ADAMTS13: variants seen among roughly 807,000 people sequenced by gnomAD.
ADAMTS13 encodes ADAM metallopeptidase with thrombospondin type 1 motif 13, also known as A disintegrin and metalloproteinase with thrombospondin motifs 13.
ADAMTS13 carries 110 observed loss-of-function variants against 155.1 expected under a neutral mutation model. That is an observed-to-expected ratio of 0.71 (90% confidence interval 0.61 to 0.83). The LOEUF (loss-of-function observed/expected upper bound fraction) is 0.83, where lower values mean the gene tolerates loss of function less well. Ranked by LOEUF, ADAMTS13 falls within the 40% of genes least tolerant of loss-of-function variation. The pLI is 0.00. For synonymous variants in ADAMTS13, 758 were observed against 756.4 expected, an observed-to-expected ratio of 1.00 and a Z score of -0.03; for missense variants, 1,707 against 1,891.7, an observed-to-expected ratio of 0.90 and a Z score of 1.81.
chr9:133,458,148 C>T lies in ADAMTS13; in HGVS notation c.3909+54C>T, dbSNP rs587666058. The stretch of plus-strand genomic sequence containing the variant: ...TGATTCTGGACAGCTTTCCCTAGGG[C>T]GTGCAGGGCTAGGGGACCCCCTTCA... On this transcript the variant is annotated intron_variant, in intron 28 of 28. Transcript: ENST00000355699. 3.6e-5 allele frequency: 57 copies of T among 1,595,040 alleles called. No individual in the cohort carries two copies. In the East Asian group the frequency reaches 4.1e-4, roughly 11 times the overall value.
chr9:133,426,298 C>T lies in ADAMTS13; in HGVS notation c.639C>T (p.Asp213=), dbSNP rs782439387. 3 of 1,607,376 alleles carry T rather than the reference C, an allele frequency of 1.9e-6. No homozygotes were observed. The part of the protein sequence containing the change: ...SPTWSCLITE[D]TGFDLGVTIA... The stretch of plus-strand genomic sequence containing the variant: ...CCTGGAGCTGCCTCATTACCGAGGA[C>T]ACTGGCTTCGACCTGGGAGTCACCA... Residue 213 remains aspartate, a synonymous_variant, in exon 6 of 29, where the codon GAC becomes GAT. Transcript: ENST00000355699.
chr9:133,436,673 C>T (rs1841244734), intron 11 of ADAMTS13, among the ~76,000 whole-genome samples, 156 bp from the exon 12 acceptor site: 2 of 152,154 alleles, frequency 1.3e-5, no homozygotes, highest in African/African-American at 2.4e-5. Context: ...GCACTTTTGT[C>T]ACCCCAGTTT....
chr9:133,422,392 C>A lies in ADAMTS13; in HGVS notation c.-52C>A. Reference sequence around the variant, plus strand: ...ATTCCATACTGACCAGATTCCCAGTCACCAAGGCCCCCTCTCACTCCGCTC... The same window carrying A: ...ATTCCATACTGACCAGATTCCCAGTAACCAAGGCCCCCTCTCACTCCGCTC... On this transcript the variant is annotated 5_prime_UTR_variant, in exon 1 of 29. Coordinates refer to ENST00000355699, the MANE Select transcript of ADAMTS13 (RefSeq NM_139027.6). The A allele has an allele frequency of 3.3e-6, 5 of 1,534,142 alleles. No individual in the cohort carries two copies. Among genetic ancestry groups the A allele is most frequent in the Non-Finnish European group, 3.6e-6 (4 of 1,112,822 alleles).
At chr9:133,420,230 G>A (rs746624553), upstream of ADAMTS13, among the ~76,000 whole-genome samples, 6 of 151,974 alleles carry the variant, frequency 3.9e-5, no homozygotes, top group African/African-American at 7.3e-5. Context: ...GAAAAGAGAC[G>A]GGGTTTCACT....
In ADAMTS13 at chr9:133,442,875, C is replaced by T. The variant is rs587633985; in HGVS notation, c.2234+132C>T. The T allele has an allele frequency of 4.4e-6, 6 of 1,378,088 alleles. No homozygotes were observed. In the East Asian group the frequency reaches 7.5e-5, roughly 17 times the overall value. 85.4% of individuals were successfully genotyped at this position (1,378,088 alleles called of 1,614,324 possible). A position where few individuals can be genotyped will look rare whatever the true frequency, so the allele number is the denominator to read the frequency against. ...GCTGCTCCTGTGCAGGCTCTCATTA[C>T]CCCTGCCCACAGCCCTGCAAGGGGG... On this transcript the variant is annotated intron_variant, in intron 18 of 28. Transcript: ENST00000355699.
chr9:133,426,814 T>A (rs1205685275), intron 6 of ADAMTS13, among the ~76,000 whole-genome samples: 1 of 152,134 alleles, frequency 6.6e-6, no homozygotes, highest in African/African-American at 2.4e-5. Context: ...TTTTCTTTTT[T>A]TTTTTTGAGA....
At chr9:133,434,063 T>G (rs1034567979) in intron 11 of ADAMTS13, among the ~76,000 whole-genome samples, 25 of 150,810 alleles carry the variant, frequency 1.7e-4, no homozygotes. Flanking sequence ...GCCATTGCAC[T>G]CCAGCCTGGG....
In ADAMTS13 at chr9:133,425,260, C is replaced by T. The variant is rs1398967479; in HGVS notation, c.331-269C>T. Among the ~76,000 whole-genome samples, 3 of 152,222 alleles carry T rather than the reference C, an allele frequency of 2.0e-5. No homozygotes were observed. The highest frequency in any genetic ancestry group is 2.9e-5 in the Non-Finnish European group (2 of 68,040). On this transcript the variant is annotated intron_variant, in intron 3 of 28. Transcript: ENST00000355699. This position sits in a 1 kb window ranked among gnomAD's most constrained non-coding sequence, Gnocchi z 4.6. ...CAGCGTTTGACCGGAATATCCGACT[C>T]GTGACCATCTGTGTGCTCTCATCCC... is the stretch of plus-strand genomic sequence containing the variant.
chr9:133,449,676 C>G, intron 22 of ADAMTS13, 107 bp from the exon 23 acceptor site: 5 of 1,365,290 alleles, frequency 3.7e-6, no homozygotes, highest in Non-Finnish European at 5.1e-6. Context: ...CGGGCCCTTC[C>G]CAGCTTCCTG....
intron 23 of ADAMTS13, among the ~76,000 whole-genome samples, chr9:133,450,488 C>T (rs587677891): frequency 4.0e-5 from 6 of 149,290 alleles, no homozygotes; most frequent in East Asian, 2.0e-4. Flanking sequence ...TCGCTTGAAC[C>T]GGGGAGGCCA....
In ADAMTS13 at chr9:133,454,609, C is replaced by T. The variant is rs1842632764; in HGVS notation, c.3239C>T (p.Thr1080Ile). ...ADCTYRWHVG[T>I]WMECSVSCGD... ...TGCACCTACCGCTGGCATGTTGGCA[C>T]CTGGATGGAGGTGAGCACAGCGGGC... Residue 1080 changes from threonine (T) to isoleucine (I), a missense_variant, in exon 24 of 29, where the codon ACC becomes ATC. This residue lies in a region of ADAMTS13 where 961 missense variants were observed against 1,107.9 expected (regional missense o/e 0.87). Coordinates refer to ENST00000355699, the MANE Select transcript of ADAMTS13 (RefSeq NM_139027.6). 1 of 1,601,674 alleles carries T rather than the reference C, an allele frequency of 6.2e-7. No homozygotes were observed. The highest frequency in any genetic ancestry group is 8.5e-7 in the Non-Finnish European group (1 of 1,179,026).
chr9:133,426,135 A>C (rs921364671), intron 5 of ADAMTS13, 64 bp from the exon 6 acceptor site: 22 of 1,613,810 alleles, frequency 1.4e-5, no homozygotes, highest in Non-Finnish European at 1.7e-5. Flanking sequence ...TGCCCTCTGC[A>C]AAGGTGACCC....
exon 1 of ADAMTS13, chr9:133,414,430 G>A (rs587695021): frequency 1.7e-5 from 12 of 688,014 alleles, no homozygotes; most frequent in East Asian, 5.5e-5. Context: ...TTCCACACAC[G>A]TGTACTGGCA....
chr9:133,433,914 G>C (rs1383772753), intron 11 of ADAMTS13, among the ~76,000 whole-genome samples: 1 of 152,066 alleles, frequency 6.6e-6, no homozygotes, highest in African/African-American at 2.4e-5. Context: ...TGGCCAACAT[G>C]GTGAAATCTC....
At chr9:133,447,552 C>A (rs782365775) in intron 21 of ADAMTS13, among the ~76,000 whole-genome samples, 1 of 152,164 alleles carries the variant, frequency 6.6e-6, no homozygotes, top group East Asian at 1.9e-4. Context: ...TAGGCATGAG[C>A]CACTGTGCCC....
Position 133,424,801 on chromosome 9 carries a change from G to A in ADAMTS13, c.330+323G>A, listed in dbSNP as rs587669630. ...AAAGCAACCCTGGCAAATGGGATAC[G>A]GGCTGCTCACACTGCCCTCTGCACC... On this transcript the variant is annotated intron_variant, in intron 3 of 28. Coordinates refer to ENST00000355699, the MANE Select transcript of ADAMTS13 (RefSeq NM_139027.6). This position sits in a 1 kb window ranked among gnomAD's most constrained non-coding sequence, Gnocchi z 4.3. Among the ~76,000 whole-genome samples the A allele has an allele frequency of 2.6e-4, 40 of 152,220 alleles. No individual in the cohort carries two copies. The highest frequency in any genetic ancestry group is 9.4e-4 in the African/African-American group (39 of 41,524).
chr9:133,457,631 C>G (rs1166675502), intron 27 of ADAMTS13, among the ~76,000 whole-genome samples: 1 of 152,258 alleles, frequency 6.6e-6, no homozygotes, highest in African/African-American at 2.4e-5. Flanking sequence ...AACACTCTTG[C>G]ACGTGTGACA....
upstream of ADAMTS13, among the ~76,000 whole-genome samples, chr9:133,417,114 G>C (rs1232771605): frequency 6.6e-6 from 1 of 152,228 alleles, no homozygotes; most frequent in African/African-American, 2.4e-5. Flanking sequence ...GGGTTCAAGC[G>C]ATTCTTCTGC....
chr9:133,457,272 C>T (rs1842803171), intron 27 of ADAMTS13, among the ~76,000 whole-genome samples: 1 of 152,192 alleles, frequency 6.6e-6, no homozygotes, highest in Non-Finnish European at 1.5e-5. Flanking sequence ...GTTGGCTTCC[C>T]TAGCTGGTTC....
Sources: allele counts gnomAD v4.1 joint callset (sites outside exome capture counted in the v4.1 genomes callset), GRCh38; gene constraint gnomAD v4.1.1; regional missense constraint gnomAD v4.1.1; non-coding constraint Gnocchi (gnomAD v3.1); transcripts MANE v1.5; gene names NCBI Gene and HGNC (gene_info 2026-07-23, HGNC 2026-07-21).